The following PPP1R9A variants were observed in gnomAD, a reference collection of about 807,000 sequenced individuals.
PPP1R9A encodes the protein neurabin-1.
In PPP1R9A, 59 loss-of-function variants were observed where a neutral mutation model predicts 141.9. The ratio of observed to expected loss-of-function variants is 0.42; its 90% CI spans 0.34 to 0.52. PPP1R9A has a LOEUF of 0.52. PPP1R9A is among the 20% of genes least tolerant of loss of function. The pLI is 0.10. For synonymous variants in PPP1R9A, 500 were observed against 569.7 expected (o/e 0.88, Z 1.74); for missense variants, 1,444 against 1,611.9 (o/e 0.90, Z 1.78).
intron 2 of PPP1R9A, among the ~76,000 whole-genome samples, chr7:95,083,426 G>T (rs867995815): frequency 1.3e-5 from 2 of 151,930 alleles, no homozygotes; most frequent in South Asian, 2.1e-4. Context: ...AGGTCTTATG[G>T]CCTGTTTCAG....
intron 2 of PPP1R9A, 135 bp downstream of exon 2, chr7:94,911,643 GTTGTCAGGTGATTTTAAA>G: frequency 3.0e-6 from 2 of 657,772 alleles, no homozygotes; most frequent in Non-Finnish European, 5.1e-6. Flanking sequence ...AAAATCACCT[GTTGTCAGGTGATTTTAAA>G]AGTTCAGAGT....
intron 7 of PPP1R9A, among the ~76,000 whole-genome samples, chr7:95,224,331 G>C (rs1794850070): frequency 6.6e-6 from 1 of 152,102 alleles, no homozygotes; most frequent in South Asian, 2.1e-4. Context: ...GAAAATCATT[G>C]CTCCACATGG....
chr7:95,113,394 A>G, intron 3 of PPP1R9A, among the ~76,000 whole-genome samples: 1 of 152,226 alleles, frequency 6.6e-6, no homozygotes, highest in Non-Finnish European at 1.5e-5. Context: ...TGAGGCTTAT[A>G]TTAGGAAGAA....
intron 4 of PPP1R9A, among the ~76,000 whole-genome samples, chr7:95,135,796 C>A (rs552434890): frequency 6.8e-6 from 1 of 148,138 alleles, no homozygotes; most frequent in Non-Finnish European, 1.5e-5. Flanking sequence ...CCTTTCACTT[C>A]ATGAAAGTAT....
intron 2 of PPP1R9A, among the ~76,000 whole-genome samples, chr7:95,031,987 AT>A (rs1807754750): frequency 6.6e-6 from 1 of 152,190 alleles, no homozygotes; most frequent in South Asian, 2.1e-4. Flanking sequence ...CCCTATCTGT[AT>A]TCAGAAGTGA....
chr7:94,963,380 A>G (rs1199354699), intron 2 of PPP1R9A, among the ~76,000 whole-genome samples: 2 of 152,182 alleles, frequency 1.3e-5, no homozygotes, highest in African/African-American at 4.8e-5. Flanking sequence ...TATAATTCAC[A>G]TACCATAAAA....
At chr7:94,994,703 G>C (rs1801945813) in intron 2 of PPP1R9A, among the ~76,000 whole-genome samples, 1 of 152,040 alleles carries the variant, frequency 6.6e-6, no homozygotes, top group Admixed American at 6.6e-5. Context: ...AGACCATCCT[G>C]GCCAACATGG....
chr7:94,964,366 T>A (rs1402842838), intron 2 of PPP1R9A, among the ~76,000 whole-genome samples: 1 of 152,148 alleles, frequency 6.6e-6, no homozygotes, highest in Non-Finnish European at 1.5e-5. Flanking sequence ...ATACTTTAAG[T>A]TCTGGGATAC....
intron 2 of PPP1R9A, among the ~76,000 whole-genome samples, chr7:95,101,101 C>T (rs1284485781): frequency 6.6e-6 from 1 of 151,986 alleles, no homozygotes; most frequent in Non-Finnish European, 1.5e-5. Flanking sequence ...ATCCGCCCGC[C>T]TCGGCCTCCC....
At chr7:94,926,659 A>T (rs1209369856) in intron 2 of PPP1R9A, among the ~76,000 whole-genome samples, 1 of 152,002 alleles carries the variant, frequency 6.6e-6, no homozygotes, top group East Asian at 1.9e-4. Context: ...TTGTTTACTA[A>T]AATGTGGTTT....
chr7:94,993,597 C>G (rs995191659), intron 2 of PPP1R9A, among the ~76,000 whole-genome samples: 6 of 152,082 alleles, frequency 3.9e-5, no homozygotes, highest in African/African-American at 1.4e-4. Flanking sequence ...GTGTACATAT[C>G]TTACACACTT....
rs975805558 is a variant in PPP1R9A at position 95,193,119 on chromosome 7, G to A, written c.1755-5230G>A. ...AAATGAGGCAGGGGACTGTTGTTTG[G>A]TTCCACTTCTGTGTGCTTTCCATCT... On this transcript the variant is annotated intron_variant, in intron 5 of 19. Coordinates refer to ENST00000433360, the MANE Select transcript of PPP1R9A (RefSeq NM_001166160.2). 2.0e-5 allele frequency among the ~76,000 whole-genome samples: 3 copies of A among 152,098 alleles called. 1 individual carries two copies. The highest frequency in any genetic ancestry group is 1.5e-5 in the Non-Finnish European group (1 of 67,960).
At chr7:95,092,635 T>C (rs1817513844) in intron 2 of PPP1R9A, among the ~76,000 whole-genome samples, 1 of 152,242 alleles carries the variant, frequency 6.6e-6, no homozygotes, top group South Asian at 2.1e-4. Flanking sequence ...GTAGATCCTC[T>C]GTCAGGCACA....
In PPP1R9A at chr7:95,145,553, G is replaced by A. The variant is rs562097089; in HGVS notation, c.1650-16314G>A. Among the ~76,000 whole-genome samples the A allele has an allele frequency of 6.8e-4, 103 of 152,310 alleles. 2 individuals are homozygous for A. Among genetic ancestry groups the A allele is most frequent in the African/African-American group, 2.4e-3 (99 of 41,570 alleles). ...TAGTCAATATTTGTTACTTTTGAAT[G>A]TCAGTGGTTTAAGTACATCAGTTAA... On this transcript the variant is annotated intron_variant, in intron 4 of 19. Transcript: ENST00000433360.
chr7:95,073,092 T>G (rs925930503), intron 2 of PPP1R9A, among the ~76,000 whole-genome samples: 5 of 149,372 alleles, frequency 3.3e-5, no homozygotes, highest in Admixed American at 2.1e-4. Flanking sequence ...TTCAAGCGAT[T>G]CTACTGCCTT....
intron 2 of PPP1R9A, among the ~76,000 whole-genome samples, chr7:94,966,074 T>A (rs1427086169): frequency 1.3e-5 from 2 of 152,074 alleles, no homozygotes; most frequent in Non-Finnish European, 2.9e-5. Context: ...TTATTCTCTT[T>A]GTAGCAATTG....
chr7:95,174,345 G>T (rs1384367650), intron 5 of PPP1R9A, among the ~76,000 whole-genome samples: 8 of 152,072 alleles, frequency 5.3e-5, no homozygotes, highest in Admixed American at 5.2e-4. Flanking sequence ...ATCTATGATT[G>T]CTCAGAATCA....
At chr7:95,140,206 A>C (rs1465475098) in intron 4 of PPP1R9A, among the ~76,000 whole-genome samples, 1 of 152,202 alleles carries the variant, frequency 6.6e-6, no homozygotes. Context: ...ATGCTTTTCT[A>C]AATTTCTGGG....
chr7:95,183,081 AT>A lies in PPP1R9A; in HGVS notation c.1755-15257del, dbSNP rs1006431739. ...TTCTTGAAGTAGCATGTGTTAGGCA[AT>A]TTTTTTTTTTAAGAATTCAACTTTT... is the stretch of plus-strand genomic sequence containing the variant. On this transcript the variant is annotated intron_variant, in intron 5 of 19. Coordinates refer to ENST00000433360, the MANE Select transcript of PPP1R9A (RefSeq NM_001166160.2). Among the ~76,000 whole-genome samples the A allele has an allele frequency of 7.0e-3, 1,046 of 148,414 alleles. 12 individuals carry two copies. Among genetic ancestry groups the A allele is most frequent in the African/African-American group, 0.024 (996 of 40,706 alleles).
Sources: gnomAD v4.1 joint callset for allele counts (sites outside exome capture counted in the v4.1 genomes callset) on GRCh38, gnomAD v4.1.1 for gene constraint, MANE v1.5 for transcripts, NCBI Gene and HGNC (gene_info 2026-07-23, HGNC 2026-07-21) for gene names.